The following RANBP2 variants were observed in gnomAD, a reference collection of about 807,000 sequenced individuals.
RANBP2 encodes RAN binding protein 2, also known as E3 SUMO-protein ligase RanBP2.
In RANBP2, 57 loss-of-function variants were observed where a neutral mutation model predicts 303.6. That is an observed-to-expected ratio of 0.19 (90% CI 0.15 to 0.23). The LOEUF is 0.23. Among genes scored for constraint, RANBP2 ranks in the 10% least tolerant of loss-of-function variants. The pLI is 1.00. For missense variants in RANBP2, 3,138 were observed against 3,780.8 expected (o/e 0.83, Z 4.46); for synonymous variants, 1,167 against 1,301.5 (o/e 0.90, Z 2.23).
chr2:109,153,631 A>G, the RANBP2 span, among the ~76,000 whole-genome samples: 1 of 152,274 alleles, frequency 6.6e-6, no homozygotes, highest in Admixed American at 6.5e-5. Flanking sequence ...AGAGTGTGGC[A>G]TAGTAAAACA....
In RANBP2 at chr2:108,784,101, G is replaced by C; in HGVS notation, c.*200G>C. ...GTGTGAAATAAAAGTTTAAACACTG[G>C]TGTATTTCAGGTGTACTTGTGTTTA... On this transcript the variant is annotated 3_prime_UTR_variant, in exon 29 of 29. Coordinates refer to ENST00000283195, the MANE Select transcript of RANBP2 (RefSeq NM_006267.5). 1 of 562,050 alleles carries C rather than the reference G, an allele frequency of 1.8e-6. No homozygotes were observed. Among genetic ancestry groups the C allele is most frequent in the East Asian group, 3.0e-5 (1 of 33,018 alleles). The allele number at this position is 562,050 out of a possible 1,614,324, so 34.8% of individuals were successfully genotyped here. A position where few individuals can be genotyped will look rare whatever the true frequency, so the allele number is the denominator to read the frequency against.
chr2:108,783,202 G>A (rs1229535205), intron 28 of RANBP2, among the ~76,000 whole-genome samples: 1 of 151,628 alleles, frequency 6.6e-6, no homozygotes, highest in African/African-American at 2.4e-5. Context: ...TTAGCCAGGT[G>A]TGGTGGTGTG....
chr2:108,732,159 CCTT>C (rs1340096423), intron 4 of RANBP2, among the ~76,000 whole-genome samples: 2 of 152,066 alleles, frequency 1.3e-5, no homozygotes, highest in African/African-American at 4.8e-5. Context: ...CCTTTAGCCT[CCTT>C]CTATCCCCAT....
chr2:109,065,610 C>T, the RANBP2 span, among the ~76,000 whole-genome samples: 3 of 152,240 alleles, frequency 2.0e-5, no homozygotes, highest in African/African-American at 4.8e-5. Flanking sequence ...GGAAAGGAGG[C>T]GGTCCAGTGG....
the RANBP2 span, among the ~76,000 whole-genome samples, chr2:109,249,495 TTC>T: frequency 1.8e-3 from 44 of 24,928 alleles, no homozygotes; most frequent in African/African-American, 0.013. Context: ...CTTTCTTTCT[TTC>T]TTTCTTTCTT....
chr2:109,036,589 A>T, the RANBP2 span, among the ~76,000 whole-genome samples: 3 of 152,240 alleles, frequency 2.0e-5, no homozygotes, highest in African/African-American at 7.2e-5. Context: ...AATAAAAATG[A>T]TTATATCATT....
At chr2:109,369,078 C>T in the RANBP2 span, among the ~76,000 whole-genome samples, 3 of 152,098 alleles carry the variant, frequency 2.0e-5, no homozygotes, top group Non-Finnish European at 4.4e-5. Context: ...GGCATGGTGG[C>T]TCACGCCTAT....
At position 108,782,784 on chromosome 2, in the gene RANBP2, A is replaced by G; in HGVS notation, c.9291A>G (p.Arg3097=). The G allele has an allele frequency of 6.2e-7, 1 of 1,614,206 alleles. No homozygotes were observed. The highest frequency in any genetic ancestry group is 8.5e-7 in the Non-Finnish European group (1 of 1,180,030). ...NIVPRTAENF[R]ALCTGEKGFG... is the part of the protein sequence containing the mutation. ...TTCCTCGGACTGCTGAGAACTTCAG[A>G]GCACTATGCACTGGAGAGAAAGGCT... The change falls in exon 28 of 29, where the codon AGA becomes AGG. Residue 3097 remains arginine (R), a synonymous_variant. Transcript: ENST00000283195.
downstream of RANBP2, chr2:108,787,917 C>T: frequency 1.1e-6 from 1 of 898,140 alleles, no homozygotes; most frequent in Admixed American, 3.1e-5. Flanking sequence ...AAGATGGTGT[C>T]TACAAGATTT....
chr2:109,500,464 G>T, the RANBP2 span, among the ~76,000 whole-genome samples: 4 of 152,184 alleles, frequency 2.6e-5, no homozygotes. Flanking sequence ...TCCTGTCTCT[G>T]ATTCCACACT....
the RANBP2 span, among the ~76,000 whole-genome samples, chr2:109,182,976 T>G: frequency 1.3e-5 from 2 of 152,244 alleles, no homozygotes; most frequent in Admixed American, 6.5e-5. Context: ...GACCCCATTT[T>G]GGGTCTCCTA....
At chr2:109,108,379 A>T in the RANBP2 span, among the ~76,000 whole-genome samples, 1 of 152,170 alleles carries the variant, frequency 6.6e-6, no homozygotes, top group East Asian at 1.9e-4. Flanking sequence ...ATCAATTTAT[A>T]TTTAGGTGAA....
chr2:109,403,230 G>A, the RANBP2 span, among the ~76,000 whole-genome samples: 10 of 152,354 alleles, frequency 6.6e-5, no homozygotes, highest in Middle Eastern at 0.014. Flanking sequence ...CGCACTGTCC[G>A]AGGCTGGCCT....
the RANBP2 span, among the ~76,000 whole-genome samples, chr2:109,384,776 T>C: frequency 6.6e-6 from 1 of 152,136 alleles, no homozygotes; most frequent in Non-Finnish European, 1.5e-5. Flanking sequence ...GCTCTGGTCA[T>C]AGGGAACCCA....
At chr2:109,063,283 C>T in the RANBP2 span, among the ~76,000 whole-genome samples, 2 of 152,186 alleles carry the variant, frequency 1.3e-5, no homozygotes, top group Admixed American at 6.5e-5. Flanking sequence ...GATCTTGCTT[C>T]AAATTACGGT....
the RANBP2 span, among the ~76,000 whole-genome samples, chr2:109,263,782 CTG>C: frequency 3.9e-5 from 6 of 152,160 alleles, no homozygotes; most frequent in African/African-American, 1.4e-4. Flanking sequence ...CTGGCTAACA[CTG>C]TGAAATGCCG....
the RANBP2 span, chr2:109,398,634 C>G: frequency 6.3e-7 from 1 of 1,596,154 alleles, no homozygotes; most frequent in South Asian, 1.1e-5. Context: ...ACAAGCCATG[C>G]CCAGCCGCTG....
the RANBP2 span, among the ~76,000 whole-genome samples, chr2:109,239,016 C>A: frequency 1.3e-5 from 2 of 152,282 alleles, no homozygotes; most frequent in East Asian, 3.9e-4. Flanking sequence ...GTAGACAGAA[C>A]AATGTTAAAT....
chr2:108,777,314 A>AGTTTTTAGTTGTTT, intron 25 of RANBP2, 83 bp downstream of exon 25: 1 of 723,838 alleles, frequency 1.4e-6, no homozygotes, highest in Non-Finnish European at 2.0e-6. Flanking sequence ...TGCAGTATAT[A>AGTTTTTAGTTGTTT]ACTAAGTTAG....
Sources: allele counts gnomAD v4.1 joint callset (sites outside exome capture counted in the v4.1 genomes callset), GRCh38; gene constraint gnomAD v4.1.1; transcripts MANE v1.5; gene names NCBI Gene and HGNC (gene_info 2026-07-23, HGNC 2026-07-21).